SECISBP2: variants seen among roughly 807,000 people sequenced by gnomAD.
The protein encoded by SECISBP2 is selenocysteine insertion sequence-binding protein 2.
A neutral mutation model predicts 98.2 loss-of-function variants in SECISBP2; 96 were observed. The observed-to-expected ratio is 0.98, with a 90% CI of 0.83 to 1.16. The LOEUF is 1.16. SECISBP2 is among the 50% of genes most tolerant of loss of function. SECISBP2 has a pLI of 0.00. For synonymous variants in SECISBP2, 407 were observed against 370.2 expected (o/e 1.10, Z -1.14); for missense variants, 1,046 against 1,022.9 (o/e 1.02, Z -0.31).
At chr9:89,348,577 G>T (rs779205078) in intron 12 of SECISBP2, among the ~76,000 whole-genome samples, 1 of 152,258 alleles carries the variant, frequency 6.6e-6, no homozygotes, top group Non-Finnish European at 1.5e-5. Context: ...GAACACAATT[G>T]TGTGTTTTTA....
chr9:89,349,319 A>C (rs1830911108), intron 12 of SECISBP2, among the ~76,000 whole-genome samples: 1 of 152,222 alleles, frequency 6.6e-6, no homozygotes, highest in Non-Finnish European at 1.5e-5. Flanking sequence ...AGTTTCTCAT[A>C]GTTTAGATGT....
downstream of SECISBP2, chr9:89,362,530 A>C: frequency 1.9e-6 from 3 of 1,598,822 alleles, no homozygotes; most frequent in Non-Finnish European, 2.6e-6. Context: ...AGAGCACTCA[A>C]GGCCTCAGCC....
rs1467461617 is a variant in SECISBP2, at chr9:89,319,805, T to C, written c.182+8T>C. On this transcript the variant is annotated splice_region_variant and intron_variant, in intron 2 of 16. Transcript: ENST00000375807. ...GGAACCACCAGTGACAGAGTATGTATCTTTCTAAAAGTCTTACCTAGGGGC... is the reference window on the plus strand; with the variant it reads ...GGAACCACCAGTGACAGAGTATGTACCTTTCTAAAAGTCTTACCTAGGGGC... The C allele has an allele frequency of 6.2e-7, 1 of 1,613,754 alleles. No homozygotes were observed. Among genetic ancestry groups the C allele is most frequent in the Admixed American group, 1.7e-5 (1 of 60,016 alleles).
At chr9:89,319,058 C>G (rs892369211) in intron 1 of SECISBP2, 1 of 1,009,506 alleles carries the variant, frequency 9.9e-7, no homozygotes, top group Admixed American at 5.5e-5. Flanking sequence ...CCATAAAATT[C>G]TCGGTGAAAG....
At chr9:89,360,446 A>G (rs904420469), downstream of SECISBP2, among the ~76,000 whole-genome samples, 2 of 152,142 alleles carry the variant, frequency 1.3e-5, no homozygotes, top group Admixed American at 6.5e-5. Context: ...TGATAAATCA[A>G]AAAATTAAAG....
chr9:89,334,075 C>CAT, intron 6 of SECISBP2: 1 of 1,119,410 alleles, frequency 8.9e-7, no homozygotes, highest in South Asian at 2.2e-5. Context: ...TGCCTCTGTT[C>CAT]TAAAAGAAAT....
Position 89,357,578 on chromosome 9 carries a change from G to A in SECISBP2, c.2268+13G>A. 1 of 1,612,708 alleles carries A rather than the reference G, an allele frequency of 6.2e-7. No individual in the cohort carries two copies. Among genetic ancestry groups the A allele is most frequent in the Non-Finnish European group, 8.5e-7 (1 of 1,179,914 alleles). On this transcript the variant is annotated intron_variant, in intron 15 of 16. Coordinates refer to ENST00000375807, the MANE Select transcript of SECISBP2 (RefSeq NM_024077.5). ...TGATGGGGCCCAGGTGAGTGCACAG[G>A]GCACAGGCCTCTTCAGTCACTGCCC... is the stretch of plus-strand genomic sequence containing the variant.
In SECISBP2 at chr9:89,357,415, G is replaced by A. The variant is rs558925389; in HGVS notation, c.2118G>A (p.Gly706=). 1.7e-5 allele frequency: 28 copies of A among 1,614,122 alleles called. No individual in the cohort carries two copies. In the South Asian group the frequency reaches 3.1e-4, roughly 18 times the overall value. The change falls in exon 15 of 17, where the codon GGG becomes GGA. Residue 706 remains glycine (G), a synonymous_variant. Coordinates refer to ENST00000375807, the MANE Select transcript of SECISBP2 (RefSeq NM_024077.5). Reference sequence around the variant, plus strand: ...TTTTCATTGTCCTTTGACCAGGTGGGCTGGATGACACTTTGCACACAATTA... The same window carrying A: ...TTTTCATTGTCCTTTGACCAGGTGGACTGGATGACACTTTGCACACAATTA... ...PNCEKIQSKG[G]LDDTLHTIID... is the part of the protein sequence containing the mutation.
chr9:89,340,615 A>G (rs1395441518), intron 9 of SECISBP2, among the ~76,000 whole-genome samples: 1 of 152,176 alleles, frequency 6.6e-6, no homozygotes, highest in Admixed American at 6.5e-5. Context: ...TCTTCCTTCC[A>G]TGTAGCAGGC....
chr9:89,332,827 G>A (rs751000194), intron 5 of SECISBP2, 81 bp from the exon 6 acceptor site: 1 of 1,111,522 alleles, frequency 9.0e-7, no homozygotes, highest in Non-Finnish European at 1.4e-6. Context: ...TTGTCAAAGT[G>A]TTCTGGATTT....
rs773079562 is a variant in SECISBP2, at chr9:89,346,979, C to T, written c.1533C>T (p.Ser511=). 6.8e-6 allele frequency: 11 copies of T among 1,614,052 alleles called. No homozygotes were observed. Among genetic ancestry groups the T allele is most frequent in the African/African-American group, 2.7e-5 (2 of 74,916 alleles). Residue 511 remains serine, a synonymous_variant, in exon 11 of 17, where the codon AGC becomes AGT. Transcript: ENST00000375807. ...MKTPHNPLDS[S]APLMKKGKQR... is the part of the protein sequence containing the mutation. ...CCCCGCACAATCCCTTGGACTCCAG[C>T]GCCCCACTGATGAAGAAAGGGAAGC...
At chr9:89,321,777 G>C (rs1825852915) in intron 2 of SECISBP2, among the ~76,000 whole-genome samples, 1 of 152,224 alleles carries the variant, frequency 6.6e-6, no homozygotes, top group African/African-American at 2.4e-5. Flanking sequence ...TTAAGTTGAA[G>C]AGGAAGAGTT....
chr9:89,344,145 G>T (rs1469054059), intron 10 of SECISBP2, among the ~76,000 whole-genome samples: 1 of 152,072 alleles, frequency 6.6e-6, no homozygotes, highest in Non-Finnish European at 1.5e-5. Flanking sequence ...CATGTCCTTT[G>T]CCCACTTTTT....
At position 89,334,638 on chromosome 9, in the gene SECISBP2, G is replaced by T; in HGVS notation, c.997G>T (p.Asp333Tyr). Residue 333 changes from aspartate to tyrosine, a missense_variant, in exon 7 of 17, where the codon GAT becomes TAT. Physicochemically the swap from Asp to Tyr is radical, Grantham distance 160 (BLOSUM62 -3). Coordinates refer to ENST00000375807, the MANE Select transcript of SECISBP2 (RefSeq NM_024077.5). ...CTTAAAGACCATTGCTTCATCAGCA[G>T]ATCCTAAAAATGTTAGTATACCATC... ...INLKTIASSA[D>Y]PKNVSIPSSE... 7.4e-6 allele frequency: 12 copies of T among 1,614,070 alleles called. No homozygotes were observed. The highest frequency in any genetic ancestry group is 9.3e-6 in the Non-Finnish European group (11 of 1,179,944).
At chr9:89,354,189 T>G (rs1294427875) in intron 14 of SECISBP2, among the ~76,000 whole-genome samples, 3 of 152,222 alleles carry the variant, frequency 2.0e-5, no homozygotes, top group Non-Finnish European at 2.9e-5. Context: ...TTGGAGGTTG[T>G]TTGAGCAAAA....
At chr9:89,361,933 A>G (rs1396400040), downstream of SECISBP2, 1 of 174,484 alleles carries the variant, frequency 5.7e-6, no homozygotes, top group African/African-American at 2.4e-5. Context: ...CTTGATTTGC[A>G]TCAATAAAAG....
intron 2 of SECISBP2, chr9:89,324,743 A>G (rs1222061491): frequency 6.6e-6 from 1 of 152,644 alleles, no homozygotes; most frequent in African/African-American, 2.4e-5. Flanking sequence ...TCAGTTGCTT[A>G]GCATTTTGTC....
chr9:89,351,141 C>T (rs185863276), intron 14 of SECISBP2, among the ~76,000 whole-genome samples: 1 of 152,334 alleles, frequency 6.6e-6, no homozygotes, highest in Admixed American at 6.5e-5. Flanking sequence ...CAGGCCACTG[C>T]CCTGGGGCTG....
chr9:89,356,230 T>C (rs1205843010), intron 14 of SECISBP2, among the ~76,000 whole-genome samples: 2 of 152,184 alleles, frequency 1.3e-5, no homozygotes, highest in African/African-American at 4.8e-5. Flanking sequence ...GGTTGCCTGC[T>C]CCTTATGAGA....
Sources: allele counts gnomAD v4.1 joint callset (sites outside exome capture counted in the v4.1 genomes callset), GRCh38; gene constraint gnomAD v4.1.1; transcripts MANE v1.5; gene names NCBI Gene and HGNC (gene_info 2026-07-23, HGNC 2026-07-21).